The following ULK2 variants were observed in gnomAD, a reference collection of about 807,000 sequenced individuals.
The protein encoded by ULK2 is serine/threonine-protein kinase ULK2.
Under a neutral mutation model 127.5 loss-of-function variants are expected in ULK2, and 76 were observed. The observed-to-expected ratio is 0.60, with a 90% confidence interval of 0.50 to 0.72. The LOEUF (loss-of-function observed/expected upper bound fraction) is 0.72. ULK2 is among the 30% of genes least tolerant of loss of function. ULK2 has a pLI of 0.00. For synonymous variants in ULK2, 452 were observed against 461.9 expected (o/e 0.98, Z 0.28); for missense variants, 1,144 against 1,295.9 (o/e 0.88, Z 1.80).
Position 19,835,410 on chromosome 17 carries a change from G to A in ULK2, c.787+3091C>T, listed in dbSNP as rs534286497. On this transcript the variant is annotated intron_variant, in intron 10 of 26. Transcript: ENST00000395544. ...CTAGTTTTTATATAAAGTAGACTGT[G>A]ATAAATTAAGATGCATACTGTAGAG... is the stretch of plus-strand genomic sequence containing the variant. Among the ~76,000 whole-genome samples the A allele has an allele frequency of 3.4e-3, 506 of 148,914 alleles. 1 individual carries two copies. Among genetic ancestry groups the A allele is most frequent in the Middle Eastern group, 0.017 (5 of 294 alleles).
chr17:19,861,673 T>C (rs936409664), intron 3 of ULK2, among the ~76,000 whole-genome samples: 8 of 152,256 alleles, frequency 5.3e-5, no homozygotes, highest in Non-Finnish European at 1.0e-4. Flanking sequence ...GTTTTGGTAC[T>C]AGGCACTGAG....
rs2040924247 is a variant in ULK2, at chr17:19,814,435, T to TAC, written c.1096+2313_1096+2314insGT. 6.5e-5 allele frequency among the ~76,000 whole-genome samples: 2 copies of TAC among 30,720 alleles called. 1 individual carries two copies. The highest frequency in any genetic ancestry group is 1.3e-3 in the East Asian group (2 of 1,560). 20.2% of individuals were successfully genotyped at this position (30,720 alleles called of 152,430 possible). A position where few individuals can be genotyped will look rare whatever the true frequency, so the allele number is the denominator to read the frequency against. On this transcript the variant is annotated intron_variant, in intron 13 of 26. Transcript: ENST00000395544. ...ACATATATATATATATATATATATA[T>TAC]ATATTTTTTTTTTTTTTTTTTTTTT...
chr17:19,851,196 G>A (rs758464706), intron 3 of ULK2, among the ~76,000 whole-genome samples: 61 of 149,848 alleles, frequency 4.1e-4, no homozygotes, highest in Non-Finnish European at 4.7e-4. Context: ...GCATGGTGGC[G>A]GGCACCTGTA....
At chr17:19,814,439 T>TATATATATATA (rs1491246393) in intron 13 of ULK2, among the ~76,000 whole-genome samples, 19 of 9,982 alleles carry the variant, frequency 1.9e-3, no homozygotes, top group African/African-American at 4.0e-3. Flanking sequence ...TATATATATA[T>TATATATATATA]TTTTTTTTTT....
intron 1 of ULK2, among the ~76,000 whole-genome samples, chr17:19,867,002 C>A (rs373671397): frequency 1.3e-5 from 2 of 152,180 alleles, no homozygotes; most frequent in South Asian, 2.1e-4. Flanking sequence ...CACGCCCAAC[C>A]CTCGAGTCTG....
At chr17:19,820,049 A>ATT (rs199698459) in intron 12 of ULK2, among the ~76,000 whole-genome samples, 6 of 49,020 alleles carry the variant, frequency 1.2e-4, no homozygotes, top group South Asian at 5.9e-4. Context: ...CTGCAACTTT[A>ATT]TTTATTTTTT....
chr17:19,789,643 A>G (rs2087109528), intron 20 of ULK2, among the ~76,000 whole-genome samples: 1 of 152,218 alleles, frequency 6.6e-6, no homozygotes, highest in South Asian at 2.1e-4. Flanking sequence ...ACTCAAGGAA[A>G]TTCAAGATAA....
At chr17:19,814,429 TATATA>T (rs1567696420) in intron 13 of ULK2, among the ~76,000 whole-genome samples, 6 of 16,712 alleles carry the variant, frequency 3.6e-4, no homozygotes, top group African/African-American at 5.6e-4. Flanking sequence ...TATATATATA[TATATA>T]TATATTTTTT....
At chr17:19,834,017 T>A (rs532412705) in intron 10 of ULK2, among the ~76,000 whole-genome samples, 4 of 152,110 alleles carry the variant, frequency 2.6e-5, no homozygotes, top group African/African-American at 9.6e-5. Flanking sequence ...CACATCACAG[T>A]TAAAATTGTT....
intron 6 of ULK2, 93 bp downstream of exon 6, chr17:19,846,639 CAAAAA>C: frequency 1.8e-6 from 2 of 1,140,152 alleles, no homozygotes; most frequent in Admixed American, 2.9e-5. Context: ...GACTCCATCT[CAAAAA>C]AAAAAAAAAA....
chr17:19,821,118 C>G (rs566496892), intron 12 of ULK2, among the ~76,000 whole-genome samples: 1 of 152,136 alleles, frequency 6.6e-6, no homozygotes, highest in Non-Finnish European at 1.5e-5. Flanking sequence ...ACCAGCCTGG[C>G]CAACATGGCG....
At chr17:19,815,378 G>A (rs1486452275) in intron 13 of ULK2, among the ~76,000 whole-genome samples, 2 of 152,172 alleles carry the variant, frequency 1.3e-5, no homozygotes, top group East Asian at 3.9e-4. Flanking sequence ...TCCTGGAGGG[G>A]GTTCAACGAT....
intron 12 of ULK2, among the ~76,000 whole-genome samples, chr17:19,822,322 T>C (rs1426645094): frequency 6.6e-6 from 1 of 152,078 alleles, no homozygotes; most frequent in African/African-American, 2.4e-5. Context: ...GAATAAGACA[T>C]AAAAAGGATA....
At position 19,796,099 on chromosome 17, in the gene ULK2, C is replaced by T. The variant is rs1389087301; in HGVS notation, c.1993G>A (p.Gly665Ser). The part of the protein sequence containing the change: ...RAEQQSKAVF[G>S]RSVSTGKLSD... ...AGAATGGAAACAGTCTTTTACCTGCCAAACACTGCCTTGCTCTGCTGCTCG... is the reference window on the plus strand; with the variant it reads ...AGAATGGAAACAGTCTTTTACCTGCTAAACACTGCCTTGCTCTGCTGCTCG... The change falls in exon 19 of 27, where the codon GGC becomes AGC. Residue 665 changes from glycine to serine, a missense_variant. Transcript: ENST00000395544. 6.2e-7 allele frequency: 1 copy of T among 1,606,448 alleles called. No individual in the cohort carries two copies. Among genetic ancestry groups the T allele is most frequent in the Non-Finnish European group, 8.5e-7 (1 of 1,177,516 alleles).
intron 20 of ULK2, among the ~76,000 whole-genome samples, chr17:19,791,631 G>A (rs1243456281): frequency 6.6e-6 from 1 of 152,072 alleles, no homozygotes; most frequent in Non-Finnish European, 1.5e-5. Flanking sequence ...GTTGCAGTGA[G>A]CCAAGATTGC....
chr17:19,814,439 T>TATATACATATATA lies in ULK2; in HGVS notation c.1096+2309_1096+2310insTATATATGTATAT, dbSNP rs1491246393. On this transcript the variant is annotated intron_variant, in intron 13 of 26. Coordinates refer to ENST00000395544, the MANE Select transcript of ULK2 (RefSeq NM_014683.4). ...ATATATATATATATATATATATATA[T>TATATACATATATA]TTTTTTTTTTTTTTTTTTTTTTTTG... is the stretch of plus-strand genomic sequence containing the variant. Among the ~76,000 whole-genome samples the TATATACATATATA allele has an allele frequency of 7.0e-4, 7 of 10,004 alleles. 1 individual carries two copies. The highest frequency in any genetic ancestry group is 1.5e-3 in the African/African-American group (7 of 4,744). The allele number at this position is 10,004 out of a possible 152,430, so 6.6% of individuals were successfully genotyped here.
intron 14 of ULK2, among the ~76,000 whole-genome samples, chr17:19,808,424 C>T (rs959573706): frequency 1.3e-5 from 2 of 152,094 alleles, no homozygotes; most frequent in African/African-American, 4.8e-5. Context: ...ACAAAAAATA[C>T]ACAAATATGA....
chr17:19,863,129 G>A (rs1016434176), intron 3 of ULK2, among the ~76,000 whole-genome samples: 3 of 151,938 alleles, frequency 2.0e-5, no homozygotes, highest in East Asian at 3.9e-4. Context: ...CACAAGAATC[G>A]CTTTAACCCG....
At chr17:19,807,017 A>G (rs746038312) in intron 14 of ULK2, among the ~76,000 whole-genome samples, 2 of 152,238 alleles carry the variant, frequency 1.3e-5, no homozygotes, top group Admixed American at 1.3e-4. Flanking sequence ...AGAAGACTCC[A>G]TGAGTAAATC....
Sources: gnomAD v4.1 joint callset for allele counts (sites outside exome capture counted in the v4.1 genomes callset) on GRCh38, gnomAD v4.1.1 for gene constraint, MANE v1.5 for transcripts, NCBI Gene and HGNC (gene_info 2026-07-23, HGNC 2026-07-21) for gene names.